CES5A: variants seen among roughly 807,000 people sequenced by gnomAD.
The protein encoded by CES5A is carboxylesterase 5A, also known as carboxylesterase 5.
Under a neutral mutation model 62.9 loss-of-function variants are expected in CES5A, and 67 were observed. The ratio of observed to expected loss-of-function variants is 1.07; its 90% CI spans 0.88 to 1.31. CES5A has a LOEUF of 1.31. CES5A is among the 50% of genes most tolerant of loss of function. The pLI is 0.00. For synonymous variants in CES5A, 296 were observed against 280.8 expected, an observed-to-expected ratio of 1.05 and a Z score of -0.54; for missense variants, 748 against 708.5, an observed-to-expected ratio of 1.06 and a Z score of -0.63.
At chr16:55,872,693 G>A (rs1250236262) in intron 2 of CES5A, among the ~76,000 whole-genome samples, 1 of 152,132 alleles carries the variant, frequency 6.6e-6, no homozygotes, top group East Asian at 1.9e-4. Context: ...CCCTTTGTAT[G>A]TTGTTGATCA....
At chr16:55,919,572 C>T (rs760825147) in intron 1 of CES5A, among the ~76,000 whole-genome samples, 8 of 152,190 alleles carry the variant, frequency 5.3e-5, no homozygotes, top group Non-Finnish European at 1.2e-4. Context: ...TCTTTACCTG[C>T]TTTCTACCCT....
At chr16:55,860,155 T>G (rs1470011630) in intron 7 of CES5A, among the ~76,000 whole-genome samples, 7 of 137,520 alleles carry the variant, frequency 5.1e-5, no homozygotes, top group Non-Finnish European at 1.1e-4. Context: ...CTGAACAAGC[T>G]TTTTTTTTGC....
intron 2 of CES5A, among the ~76,000 whole-genome samples, chr16:55,930,918 CA>C (rs141085719): frequency 6.6e-6 from 1 of 150,660 alleles, no homozygotes; most frequent in African/African-American, 2.4e-5. Context: ...AAGTCATAGA[CA>C]AAAAAAACAA....
intron 1 of CES5A, among the ~76,000 whole-genome samples, chr16:55,894,715 A>G (rs2033914883): frequency 6.6e-6 from 1 of 152,138 alleles, no homozygotes. Flanking sequence ...ACTGCAGAAA[A>G]AAGTTGCCGA....
intron 8 of CES5A, among the ~76,000 whole-genome samples, chr16:55,857,131 G>A (rs1380488090): frequency 2.0e-5 from 3 of 152,190 alleles, no homozygotes; most frequent in Non-Finnish European, 2.9e-5. Context: ...GCCACAGTGG[G>A]AGGTCAGGCA....
rs752515295 is a variant in CES5A at position 55,863,374 on chromosome 16, C to A, written c.784G>T (p.Ala262Ser). 14 of 1,598,768 alleles carry A rather than the reference C, an allele frequency of 8.8e-6. No individual in the cohort carries two copies. The highest frequency in any genetic ancestry group is 3.4e-4 in the Middle Eastern group (2 of 5,816). Residue 262 changes from alanine to serine, a missense_variant, in exon 6 of 13, where the codon GCC becomes TCC. Coordinates refer to ENST00000290567, the MANE Select transcript of CES5A (RefSeq NM_001143685.2). The stretch of plus-strand genomic sequence containing the variant: ...TCCTCACTCTTCTCATAATCATGGG[C>A]CTCCAGGTAAGGGATGATGGCCACC... ...SGVAIIPYLE[A>S]HDYEKSEDLQ...
At chr16:55,940,355 C>T (rs2034433085) in intron 2 of CES5A, among the ~76,000 whole-genome samples, 1 of 151,888 alleles carries the variant, frequency 6.6e-6, no homozygotes, top group African/African-American at 2.4e-5. Context: ...GAGAAGATAT[C>T]ACTACAGGTC....
chr16:55,922,671 A>C lies in CES5A; in HGVS notation c.-256+2652T>G, dbSNP rs377683011. Among the ~76,000 whole-genome samples, 312 of 152,000 alleles carry C rather than the reference A, an allele frequency of 2.1e-3. 18 individuals are homozygous for C. In the South Asian group the frequency reaches 0.063, roughly 30 times the overall value. On this transcript the variant is annotated intron_variant, in intron 1 of 12. Coordinates refer to the CES5A transcript ENST00000518005. The stretch of plus-strand genomic sequence containing the variant: ...GAAAATCAGCAAACACTGGAGTTAA[A>C]CTACACACTACATAATAAGCCTAAC...
intron 2 of CES5A, among the ~76,000 whole-genome samples, chr16:55,937,156 C>T (rs1377153379): frequency 6.6e-6 from 1 of 152,108 alleles, no homozygotes; most frequent in Non-Finnish European, 1.5e-5. Context: ...CCTTCAAGAC[C>T]CACCTCAAGA....
At chr16:55,896,527 T>C (rs1219288526) in intron 1 of CES5A, among the ~76,000 whole-genome samples, 1 of 152,222 alleles carries the variant, frequency 6.6e-6, no homozygotes, top group Non-Finnish European at 1.5e-5. Flanking sequence ...CTTCTTTTCT[T>C]TATAAATTGT....
intron 1 of CES5A, among the ~76,000 whole-genome samples, chr16:55,903,273 G>A (rs1218774674): frequency 6.6e-6 from 1 of 152,132 alleles, no homozygotes; most frequent in Non-Finnish European, 1.5e-5. Flanking sequence ...GATCCAAGGG[G>A]GCAGGAGCCA....
intron 2 of CES5A, among the ~76,000 whole-genome samples, chr16:55,949,303 A>G (rs527702204): frequency 6.6e-6 from 1 of 152,294 alleles, no homozygotes; most frequent in South Asian, 2.1e-4. Flanking sequence ...TCTGAAGATG[A>G]GGTGATCCTT....
intron 1 of CES5A, among the ~76,000 whole-genome samples, chr16:55,904,792 A>T (rs1338724620): frequency 5.3e-5 from 8 of 152,154 alleles, no homozygotes; most frequent in African/African-American, 1.9e-4. Flanking sequence ...CCAGACACTC[A>T]TCTTTCTAGT....
chr16:55,854,213 A>G (rs1211371868), intron 9 of CES5A, among the ~76,000 whole-genome samples: 1 of 152,014 alleles, frequency 6.6e-6, no homozygotes, highest in African/African-American at 2.4e-5. Flanking sequence ...AGAACTACTT[A>G]CTGTTTAAAA....
At chr16:55,869,423 T>G in intron 4 of CES5A, 188 bp downstream of exon 4, 1 of 1,114,170 alleles carries the variant, frequency 9.0e-7, no homozygotes, top group Admixed American at 3.6e-5. Flanking sequence ...AAGAGATTTT[T>G]ATTGTTTCAA....
chr16:55,915,508 T>G, intron 1 of CES5A, among the ~76,000 whole-genome samples: 2 of 149,692 alleles, frequency 1.3e-5, no homozygotes, highest in Non-Finnish European at 1.5e-5. Flanking sequence ...AGCTGGACAG[T>G]GGGAAACTTG....
intron 2 of CES5A, among the ~76,000 whole-genome samples, chr16:55,935,634 C>T (rs2034365654): frequency 6.6e-6 from 1 of 152,198 alleles, no homozygotes; most frequent in African/African-American, 2.4e-5. Flanking sequence ...TCCTACAAGC[C>T]TTCCACCACA....
At chr16:55,912,800 A>G (rs902129974) in intron 1 of CES5A, among the ~76,000 whole-genome samples, 2 of 152,168 alleles carry the variant, frequency 1.3e-5, no homozygotes, top group African/African-American at 2.4e-5. Flanking sequence ...ACACAATCCC[A>G]TTTCACCGTT....
intron 2 of CES5A, among the ~76,000 whole-genome samples, chr16:55,931,627 C>T (rs1264895521): frequency 2.0e-5 from 3 of 152,218 alleles, no homozygotes; most frequent in Admixed American, 2.0e-4. Context: ...TTCTAAAAGG[C>T]CCTTCTCTTA....
Sources: allele counts gnomAD v4.1 joint callset (sites outside exome capture counted in the v4.1 genomes callset), GRCh38; gene constraint gnomAD v4.1.1; transcripts MANE v1.5; gene names NCBI Gene and HGNC (gene_info 2026-07-23, HGNC 2026-07-21).